The following CAMK2A variants were observed in gnomAD, a reference collection of about 807,000 sequenced individuals.
CAMK2A encodes calcium/calmodulin dependent protein kinase II alpha.
In CAMK2A, 7 loss-of-function variants were observed where a neutral mutation model predicts 79.2. The observed-to-expected ratio is 0.09, with a 90% CI of 0.05 to 0.17. The LOEUF is 0.17. Ranked by LOEUF, CAMK2A falls within the 10% of genes least tolerant of loss-of-function variation. CAMK2A has a pLI of 1.00. For missense variants in CAMK2A, 214 were observed against 646.4 expected (o/e 0.33, Z 7.25); for synonymous variants, 242 against 251.7 (o/e 0.96, Z 0.36).
chr5:150,280,202 C>T (rs1757149075), intron 1 of CAMK2A, among the ~76,000 whole-genome samples: 1 of 152,206 alleles, frequency 6.6e-6, no homozygotes, highest in African/African-American at 2.4e-5. Context: ...CACTCAGAGC[C>T]ACGTTACATC....
At chr5:150,244,404 G>A (rs1438699520) in intron 13 of CAMK2A, among the ~76,000 whole-genome samples, 1 of 152,258 alleles carries the variant, frequency 6.6e-6, no homozygotes, top group Non-Finnish European at 1.5e-5. Flanking sequence ...CAGCCCTGGG[G>A]CCCTCGCCAG....
At chr5:150,287,095 T>G (rs1378306958) in intron 1 of CAMK2A, among the ~76,000 whole-genome samples, 1 of 152,186 alleles carries the variant, frequency 6.6e-6, no homozygotes, top group East Asian at 1.9e-4. Flanking sequence ...CACCACTGGA[T>G]GCTCAGACTG....
chr5:150,250,757 A>G lies in CAMK2A; in HGVS notation c.747T>C (p.Asn249=), dbSNP rs1216403780. Residue 249 remains asparagine (N), a synonymous_variant, in exon 10 of 19, where the codon AAT becomes AAC. Coordinates refer to ENST00000671881, the MANE Select transcript of CAMK2A (RefSeq NM_015981.4). ...TVTPEAKDLI[N]KMLTINPSKR... is the part of the protein sequence containing the mutation. ...TGGATGGGTTAATGGTCAGCATCTT[A>G]TTGATCAGATCCTTGGCTTCCGGGG... is the stretch of plus-strand genomic sequence containing the variant. 6.2e-7 allele frequency: 1 copy of G among 1,614,014 alleles called. No homozygotes were observed. The highest frequency in any genetic ancestry group is 2.2e-5 in the East Asian group (1 of 44,842).
intron 6 of CAMK2A, 39 bp from the exon 7 acceptor site, chr5:150,253,585 G>A (rs770049390): frequency 1.3e-6 from 2 of 1,532,562 alleles, no homozygotes; most frequent in South Asian, 2.2e-5. Context: ...GGGGAGGAAA[G>A]CGCCAAGAGA....
chr5:150,228,348 G>A, intron 16 of CAMK2A, 62 bp from the exon 17 acceptor site: 1 of 1,167,696 alleles, frequency 8.6e-7, no homozygotes, highest in South Asian at 1.3e-5. Flanking sequence ...CCCTTGGAGG[G>A]TGAGCCTGTG....
At chr5:150,280,529 G>A (rs1021111798) in intron 1 of CAMK2A, among the ~76,000 whole-genome samples, 3 of 151,862 alleles carry the variant, frequency 2.0e-5, no homozygotes, top group Admixed American at 1.3e-4. Flanking sequence ...GACATCCGCC[G>A]CCTCCTCTTC....
At chr5:150,266,805 C>T (rs1195082375) in intron 2 of CAMK2A, among the ~76,000 whole-genome samples, 1 of 151,434 alleles carries the variant, frequency 6.6e-6, no homozygotes, top group Non-Finnish European at 1.5e-5. Flanking sequence ...AACACTCAGA[C>T]ACCGAGCCAA....
chr5:150,275,970 C>CGGTTTGG (rs1475487408), intron 1 of CAMK2A, among the ~76,000 whole-genome samples: 1 of 152,178 alleles, frequency 6.6e-6, no homozygotes, highest in Admixed American at 6.5e-5. Flanking sequence ...CTTCTGGCCA[C>CGGTTTGG]GGTTTGGTCT....
Position 150,247,887 on chromosome 5 carries a change from G to A in CAMK2A, c.901-73C>T, listed in dbSNP as rs1306678766. 5.6e-6 allele frequency: 7 copies of A among 1,258,180 alleles called. No homozygotes were observed. The East Asian group carries it at 1.2e-4, about 21-fold the overall frequency. 77.9% of individuals were successfully genotyped at this position (1,258,180 alleles called of 1,614,324 possible). ...GGACCCAGGAGGGACAGAGAGACGGGAGGGCCACGGGGAAGGAGAGGCAGG... is the reference window on the plus strand; with the variant it reads ...GGACCCAGGAGGGACAGAGAGACGGAAGGGCCACGGGGAAGGAGAGGCAGG... On this transcript the variant is annotated intron_variant, in intron 11 of 18. Coordinates refer to ENST00000671881, the MANE Select transcript of CAMK2A (RefSeq NM_015981.4).
chr5:150,250,682 G>C lies in CAMK2A; in HGVS notation c.816+6C>G. 6.2e-7 allele frequency: 1 copy of C among 1,614,044 alleles called. No homozygotes were observed. Among genetic ancestry groups the C allele is most frequent in the South Asian group, 1.1e-5 (1 of 91,074 alleles). On this transcript the variant is annotated splice_donor_region_variant and intron_variant, in intron 10 of 18. Transcript: ENST00000671881. ...CCTGGGAGAAGTCCTGCTGAGGAAG[G>C]CTCACCGAGATCCAGGGGTGCTTAA... is the stretch of plus-strand genomic sequence containing the variant.
intron 15 of CAMK2A, among the ~76,000 whole-genome samples, chr5:150,237,727 C>A (rs2114038287): frequency 6.6e-6 from 1 of 152,362 alleles, no homozygotes; most frequent in African/African-American, 2.4e-5. Context: ...GCACCTACTT[C>A]ATGGGCTATA....
rs1478038152 is a variant in CAMK2A at position 150,284,976 on chromosome 5, T to G, written c.62+4588A>C. Among the ~76,000 whole-genome samples, 1 of 151,680 alleles carries G rather than the reference T, an allele frequency of 6.6e-6. No individual in the cohort carries two copies. The highest frequency in any genetic ancestry group is 1.5e-5 in the Non-Finnish European group (1 of 67,992). On this transcript the variant is annotated intron_variant, in intron 1 of 18. Transcript: ENST00000671881. This position sits in a 1 kb window ranked among gnomAD's most constrained non-coding sequence, Gnocchi z 5.3. ...TCTCCAGAGGTATTATGATCCCCAT[T>G]TTACAGATGGTAAAGCCGAGGCACA...
At chr5:150,245,023 G>A (rs1209294568) in intron 13 of CAMK2A, 138 bp downstream of exon 13, 5 of 809,116 alleles carry the variant, frequency 6.2e-6, no homozygotes, top group Non-Finnish European at 6.0e-6. Flanking sequence ...TCTGGAGACA[G>A]CCTGGCCACA....
rs938691397 is a variant in CAMK2A, at chr5:150,284,067, T to C, written c.62+5497A>G. ...GCCTGGGGTAGGAGGCTTCCTACAG[T>C]GCCACAGAGAAGCTCCAAGAGAATG... On this transcript the variant is annotated intron_variant, in intron 1 of 18. Transcript: ENST00000671881. The surrounding 1 kb of genome is among the most constrained non-coding windows in gnomAD (Gnocchi z 5.3). 2.0e-5 allele frequency among the ~76,000 whole-genome samples: 3 copies of C among 152,210 alleles called. No homozygotes were observed. The East Asian group carries it at 5.8e-4, about 29-fold the overall frequency.
chr5:150,264,885 A>G, intron 3 of CAMK2A, 71 bp downstream of exon 3: 1 of 1,204,078 alleles, frequency 8.3e-7, no homozygotes, highest in South Asian at 1.2e-5. Flanking sequence ...ACCCGCAAAC[A>G]CCCACGTGCC....
intron 13 of CAMK2A, among the ~76,000 whole-genome samples, chr5:150,243,894 G>A (rs1755450712): frequency 1.3e-5 from 2 of 152,088 alleles, no homozygotes; most frequent in South Asian, 4.2e-4. Flanking sequence ...GGTTGAAGTG[G>A]GTATGAGAAG....
intron 9 of CAMK2A, 36 bp downstream of exon 9, chr5:150,251,714 A>G (rs989687904): frequency 1.1e-5 from 16 of 1,481,028 alleles, no homozygotes; most frequent in Non-Finnish European, 1.3e-5. Flanking sequence ...AGGGCACCAG[A>G]GGATGATGGG....
At chr5:150,224,408 C>T (rs971135299) in intron 17 of CAMK2A, among the ~76,000 whole-genome samples, 1 of 152,186 alleles carries the variant, frequency 6.6e-6, no homozygotes, top group East Asian at 1.9e-4. Flanking sequence ...AATCTCCCTT[C>T]TCCTTCCCTA....
At chr5:150,271,296 C>A (rs1756738008) in intron 2 of CAMK2A, among the ~76,000 whole-genome samples, 1 of 152,178 alleles carries the variant, frequency 6.6e-6, no homozygotes, top group African/African-American at 2.4e-5. Context: ...CTTCAGAGAC[C>A]CTCACCCTAA....
Sources: allele counts gnomAD v4.1 joint callset (sites outside exome capture counted in the v4.1 genomes callset), GRCh38; gene constraint gnomAD v4.1.1; non-coding constraint Gnocchi (gnomAD v3.1); transcripts MANE v1.5; gene names NCBI Gene and HGNC (gene_info 2026-07-23, HGNC 2026-07-21).